Variants in SLC37A2 observed in about 807,000 individuals in gnomAD.
SLC37A2 encodes the protein solute carrier family 37 member 2.
SLC37A2 carries 59 observed loss-of-function variants against 70.7 expected under a neutral mutation model. That is an observed-to-expected ratio of 0.83 (90% confidence interval 0.68 to 1.04). The LOEUF (loss-of-function observed/expected upper bound fraction) is 1.04, where lower values mean the gene tolerates loss of function less well. Among genes scored for constraint, SLC37A2 ranks in the 50% least tolerant of loss-of-function variants. The pLI is 0.00. For missense variants in SLC37A2, 580 were observed against 658.1 expected, an observed-to-expected ratio of 0.88 and a Z score of 1.30; for synonymous variants, 257 against 262.1, an observed-to-expected ratio of 0.98 and a Z score of 0.19.
chr11:125,069,064 G>A (rs559272765), intron 1 of SLC37A2, among the ~76,000 whole-genome samples: 1 of 152,326 alleles, frequency 6.6e-6, no homozygotes, highest in African/African-American at 2.4e-5. Flanking sequence ...AGGTACTTAG[G>A]TCAGTGCCAG....
chr11:125,080,660 A>T lies in SLC37A2; in HGVS notation c.574A>T (p.Asn192Tyr). The T allele has an allele frequency of 2.5e-6, 4 of 1,574,508 alleles. No homozygotes were observed. Among genetic ancestry groups the T allele is most frequent in the Non-Finnish European group, 3.4e-6 (4 of 1,159,576 alleles). ...GIWNSHTSVG[N>Y]ILGSLIAGIW... is the part of the protein sequence containing the mutation. ...CTGGAATTCCCACACATCTGTGGGC[A>T]ACATCCTGGGCTCCCTGATCGCCGG... The change falls in exon 7 of 18, where the codon AAC becomes TAC. Residue 192 changes from asparagine to tyrosine, a missense_variant. Coordinates refer to ENST00000403796, the MANE Select transcript of SLC37A2 (RefSeq NM_001145290.2). This position sits in a 1 kb window ranked among gnomAD's most constrained non-coding sequence, Gnocchi z 4.3.
At position 125,084,842 on chromosome 11, in the gene SLC37A2, C is replaced by A; in HGVS notation, c.1143C>A (p.Tyr381Ter). 6.2e-7 allele frequency: 1 copy of A among 1,613,880 alleles called. No individual in the cohort carries two copies. ...LAAPMMFLYN[Y>*]IGQDGIASSI... Reference sequence around the variant, plus strand: ...TCTCTCAGATGTTCCTGTACAACTACATTGGCCAGGACGGGATTGCCAGCT... The same window carrying A: ...TCTCTCAGATGTTCCTGTACAACTAAATTGGCCAGGACGGGATTGCCAGCT... Residue 381 changes from tyrosine to a stop codon, truncating the protein, a stop_gained, in exon 13 of 18, where the codon TAC (tyrosine) becomes TAA (stop). Transcript: ENST00000403796. LOFTEE classifies it high-confidence loss of function.
At chr11:125,084,729 G>T in intron 12 of SLC37A2, 96 bp from the exon 13 acceptor site, 3 of 1,281,908 alleles carry the variant, frequency 2.3e-6, no homozygotes, top group East Asian at 2.4e-5. Flanking sequence ...GATGCCCTCT[G>T]GGGTTTCAGG....
At chr11:125,070,975 G>A (rs1455809673) in intron 1 of SLC37A2, among the ~76,000 whole-genome samples, 2 of 152,226 alleles carry the variant, frequency 1.3e-5, no homozygotes, top group Non-Finnish European at 2.9e-5. Context: ...GTTGGCCAAG[G>A]CCTTGTTTTT....
In SLC37A2 at chr11:125,088,101, C is replaced by T. The variant is rs1216810407; in HGVS notation, c.1491-18C>T. On this transcript the variant is annotated intron_variant, in intron 17 of 17. Transcript: ENST00000403796. Reference sequence around the variant, plus strand: ...TCATCTCACTTTCTCTTCTGTCCCCCCTCTCCTCTTCATGCAGGTATAAAG... The same window carrying T: ...TCATCTCACTTTCTCTTCTGTCCCCTCTCTCCTCTTCATGCAGGTATAAAG... 3 of 1,551,738 alleles carry T rather than the reference C, an allele frequency of 1.9e-6. No individual in the cohort carries two copies. Among genetic ancestry groups the T allele is most frequent in the East Asian group, 2.4e-5 (1 of 40,894 alleles).
At chr11:125,067,351 T>C (rs1948991825) in intron 1 of SLC37A2, among the ~76,000 whole-genome samples, 3 of 152,178 alleles carry the variant, frequency 2.0e-5, no homozygotes, top group Admixed American at 6.5e-5. Flanking sequence ...ACTGTTGTTA[T>C]CGGGGAAGGC....
At chr11:125,077,993 C>T (rs781052269) in intron 4 of SLC37A2, among the ~76,000 whole-genome samples, 5 of 152,144 alleles carry the variant, frequency 3.3e-5, no homozygotes, top group Admixed American at 6.5e-5. Context: ...AAAACTGTGG[C>T]GGCTCCATGA....
chr11:125,079,598 G>A (rs1389892594), intron 5 of SLC37A2, 86 bp from the exon 6 acceptor site: 2 of 1,096,504 alleles, frequency 1.8e-6, no homozygotes, highest in East Asian at 2.6e-5. Context: ...CCACGAAATT[G>A]AACCTCCTCA....
At chr11:125,088,098 C>A in intron 17 of SLC37A2, 21 bp from the exon 18 acceptor site, 2 of 1,551,752 alleles carry the variant, frequency 1.3e-6, no homozygotes, top group Non-Finnish European at 8.7e-7. Context: ...CTCTTCTGTC[C>A]CCCCTCTCCT....
rs192266772 is a variant in SLC37A2, at chr11:125,085,823, T to G, written c.1426-131T>G. 4.0e-6 allele frequency: 5 copies of G among 1,237,002 alleles called. No homozygotes were observed. The African/African-American group carries it at 4.4e-5, about 11-fold the overall frequency. 76.6% of individuals were successfully genotyped at this position (1,237,002 alleles called of 1,614,324 possible). On this transcript the variant is annotated intron_variant, in intron 16 of 17. Coordinates refer to ENST00000403796, the MANE Select transcript of SLC37A2 (RefSeq NM_001145290.2). The stretch of plus-strand genomic sequence containing the variant: ...TCAGAAGCACTCTCCCTCCCCCGAG[T>G]GACCCCTTGCCAAGTGGCAGCGTGT...
intron 8 of SLC37A2, 116 bp downstream of exon 8, chr11:125,081,574 C>A: frequency 7.2e-7 from 1 of 1,397,516 alleles, no homozygotes; most frequent in Non-Finnish European, 9.7e-7. Flanking sequence ...ACCTCACCGA[C>A]CCAGTGCTAG....
In SLC37A2 at chr11:125,088,680, G is replaced by A. The variant is rs10750295; in HGVS notation, c.*546G>A. ...AGGCCTGTTGATAACTCCATTACCC[G>A]CCCATCACTGCTGTTCCTCCAGGGC... On this transcript the variant is annotated 3_prime_UTR_variant, in exon 18 of 18. Coordinates refer to ENST00000403796, the MANE Select transcript of SLC37A2 (RefSeq NM_001145290.2). The A allele has an allele frequency of 0.77, 116,704 of 152,460 alleles. 45,010 individuals carry two copies. Among genetic ancestry groups the A allele is most frequent in the African/African-American group, 0.87 (36,192 of 41,506 alleles). 9.4% of individuals were successfully genotyped at this position (152,460 alleles called of 1,614,324 possible). A position where few individuals can be genotyped will look rare whatever the true frequency, so the allele number is the denominator to read the frequency against.
In SLC37A2 at chr11:125,089,745, C is replaced by T. The variant is rs890183039; in HGVS notation, c.*1611C>T. On this transcript the variant is annotated 3_prime_UTR_variant, in exon 18 of 18. Coordinates refer to ENST00000403796, the MANE Select transcript of SLC37A2 (RefSeq NM_001145290.2). ...AGCTGCCTTCCCGCGGGGCAGGGCTCGGGACCTGCAGCCCGCGGTGCCTGA... is the reference window on the plus strand; with the variant it reads ...AGCTGCCTTCCCGCGGGGCAGGGCTTGGGACCTGCAGCCCGCGGTGCCTGA... 7.6e-4 allele frequency: 117 copies of T among 154,056 alleles called. No homozygotes were observed. The highest frequency in any genetic ancestry group is 1.3e-3 in the Non-Finnish European group (93 of 69,400). The allele number at this position is 154,056 out of a possible 1,614,324, so 9.5% of individuals were successfully genotyped here. A position where few individuals can be genotyped will look rare whatever the true frequency, so the allele number is the denominator to read the frequency against.
At chr11:125,081,972 G>A (rs1219877232) in intron 9 of SLC37A2, 66 bp downstream of exon 9, 9 of 1,520,304 alleles carry the variant, frequency 5.9e-6, no homozygotes, top group Non-Finnish European at 7.1e-6. Context: ...GTGATGAGGA[G>A]ATGGGGTGCT....
chr11:125,077,143 G>A, intron 2 of SLC37A2, 87 bp from the exon 3 acceptor site: 1 of 1,039,646 alleles, frequency 9.6e-7, no homozygotes, highest in Non-Finnish European at 1.4e-6. Flanking sequence ...TCTGGTAGGA[G>A]GCAGTGTCTC....
At chr11:125,087,933 G>T in intron 17 of SLC37A2, 186 bp from the exon 18 acceptor site, 1 of 652,446 alleles carries the variant, frequency 1.5e-6, no homozygotes. Context: ...CGCCCGGCCA[G>T]GTTTTAAATA....
chr11:125,068,429 G>T (rs1949001054), intron 1 of SLC37A2, among the ~76,000 whole-genome samples: 1 of 152,146 alleles, frequency 6.6e-6, no homozygotes, highest in Admixed American at 6.6e-5. Context: ...ATTATGCTGA[G>T]CTCTGAGGCC....
intron 1 of SLC37A2, among the ~76,000 whole-genome samples, chr11:125,070,782 C>A (rs1228227009): frequency 3.9e-5 from 6 of 152,168 alleles, no homozygotes; most frequent in Non-Finnish European, 8.8e-5. Flanking sequence ...CCATCCCCCA[C>A]CCCTCGTGAC....
chr11:125,065,167 C>A (rs7128218), intron 1 of SLC37A2, among the ~76,000 whole-genome samples: 22,694 of 152,096 alleles, frequency 0.15, 1,883 homozygotes, highest in Non-Finnish European at 0.17. Flanking sequence ...GATAACCTGG[C>A]GGACTATGTG....
Sources: allele counts gnomAD v4.1 joint callset (sites outside exome capture counted in the v4.1 genomes callset), GRCh38; gene constraint gnomAD v4.1.1; non-coding constraint Gnocchi (gnomAD v3.1); transcripts MANE v1.5; gene names NCBI Gene and HGNC (gene_info 2026-07-23, HGNC 2026-07-21).